The following KCNIP1 variants were observed in gnomAD, a reference collection of about 807,000 sequenced individuals.
KCNIP1 encodes A-type potassium channel modulatory protein KCNIP1.
A neutral mutation model predicts 33.0 loss-of-function variants in KCNIP1; 18 were observed. The ratio of observed to expected loss-of-function variants is 0.55; its 90% confidence interval spans 0.38 to 0.81. The LOEUF is 0.81. Ranked by LOEUF, KCNIP1 falls within the 30% of genes least tolerant of loss-of-function variation. KCNIP1 has a pLI of 0.00. For missense variants in KCNIP1, 238 were observed against 271.6 expected, an observed-to-expected ratio of 0.88 and a Z score of 0.87; for synonymous variants, 93 against 98.3, an observed-to-expected ratio of 0.95 and a Z score of 0.32.
At chr5:170,690,831 T>A (rs908384312) in intron 1 of KCNIP1, among the ~76,000 whole-genome samples, 2 of 152,216 alleles carry the variant, frequency 1.3e-5, no homozygotes, top group African/African-American at 4.8e-5. Flanking sequence ...AACTACACTC[T>A]CCCAATCTCC....
chr5:170,660,017 G>A (rs549138646), intron 1 of KCNIP1, among the ~76,000 whole-genome samples: 1 of 152,126 alleles, frequency 6.6e-6, no homozygotes, highest in Non-Finnish European at 1.5e-5. Context: ...GGCCCACAGA[G>A]GTGGGAGGAG....
intron 1 of KCNIP1, among the ~76,000 whole-genome samples, chr5:170,415,104 T>C (rs1444480201): frequency 6.6e-6 from 1 of 152,218 alleles, no homozygotes; most frequent in African/African-American, 2.4e-5. Context: ...ATATATATTT[T>C]TCTCTCTTTT....
At chr5:170,712,983 C>A (rs1763508675) in intron 1 of KCNIP1, 2 of 963,744 alleles carry the variant, frequency 2.1e-6, no homozygotes, top group South Asian at 1.3e-5. Context: ...TCTTCTCATG[C>A]ACCAGCTTTC....
chr5:170,561,043 G>A, intron 1 of KCNIP1: 1 of 452,916 alleles, frequency 2.2e-6, no homozygotes, highest in South Asian at 1.6e-5. Flanking sequence ...ACGGGCAGGA[G>A]CCCAGCCTCC....
At chr5:170,369,932 T>C (rs571272269) in intron 1 of KCNIP1, among the ~76,000 whole-genome samples, 48 of 152,324 alleles carry the variant, frequency 3.2e-4, no homozygotes, top group African/African-American at 1.1e-3. Flanking sequence ...CCTTCAACCA[T>C]TGGAATGGTT....
intron 1 of KCNIP1, among the ~76,000 whole-genome samples, chr5:170,615,944 C>T (rs1327159895): frequency 2.0e-5 from 3 of 152,096 alleles, no homozygotes; most frequent in Non-Finnish European, 1.5e-5. Flanking sequence ...ATTTTTCCTC[C>T]AGAAAGGCGA....
At chr5:170,583,657 G>A (rs901522182) in intron 1 of KCNIP1, among the ~76,000 whole-genome samples, 1 of 152,168 alleles carries the variant, frequency 6.6e-6, no homozygotes, top group East Asian at 1.9e-4. Flanking sequence ...AGGCTCTTGA[G>A]GCTCAATAAA....
Position 170,720,366 on chromosome 5 carries a change from T to A in KCNIP1, c.232T>A (p.Tyr78Asn). Residue 78 changes from tyrosine (Y) to asparagine (N), a missense_variant, in exon 3 of 8, where the codon TAT becomes AAT. Transcript: ENST00000328939. ...VVNEDTFKQIYAQFFPHGDAS... is the reference protein window; with the variant it reads ...VVNEDTFKQINAQFFPHGDAS... ...CAACGAAGACACATTCAAGCAGATC[T>A]ATGCTCAGTTTTTCCCTCATGGAGG... 1 of 1,614,062 alleles carries A rather than the reference T, an allele frequency of 6.2e-7. No individual in the cohort carries two copies. Among genetic ancestry groups the A allele is most frequent in the Non-Finnish European group, 8.5e-7 (1 of 1,179,928 alleles).
At chr5:170,402,427 G>A (rs57210936) in intron 1 of KCNIP1, among the ~76,000 whole-genome samples, 11,202 of 152,068 alleles carry the variant, frequency 0.074, 439 homozygotes, top group East Asian at 0.14. Context: ...TTTCTAACTC[G>A]TGGGAAGTCC....
At chr5:170,374,300 G>C (rs1763929268) in intron 1 of KCNIP1, among the ~76,000 whole-genome samples, 1 of 152,176 alleles carries the variant, frequency 6.6e-6, no homozygotes, top group Non-Finnish European at 1.5e-5. Context: ...ATTAGTGAGG[G>C]GTAGGGAGGG....
chr5:170,367,421 G>GAAAGGAAGGAAA (rs1554086776), intron 1 of KCNIP1, among the ~76,000 whole-genome samples: 12 of 74,730 alleles, frequency 1.6e-4, no homozygotes, highest in African/African-American at 5.7e-4. Context: ...AAGAAAGAAA[G>GAAAGGAAGGAAA]GAAAGAAAGA....
At chr5:170,394,217 C>T (rs894084124) in intron 1 of KCNIP1, among the ~76,000 whole-genome samples, 2 of 152,252 alleles carry the variant, frequency 1.3e-5, no homozygotes, top group Non-Finnish European at 2.9e-5. Flanking sequence ...CCCTTAGCCA[C>T]TCTCCGCGCC....
intron 1 of KCNIP1, among the ~76,000 whole-genome samples, chr5:170,465,857 T>C (rs111543639): frequency 8.5e-4 from 130 of 152,308 alleles, no homozygotes; most frequent in Non-Finnish European, 8.1e-4. Flanking sequence ...AGATGGTCCA[T>C]TCCTGCAACT....
intron 1 of KCNIP1, chr5:170,385,401 G>A (rs1764426367): frequency 6.2e-7 from 1 of 1,614,092 alleles, no homozygotes; most frequent in African/African-American, 1.3e-5. Flanking sequence ...CAGGCAAAGG[G>A]CTCGTGTCTC....
intron 1 of KCNIP1, among the ~76,000 whole-genome samples, chr5:170,700,393 C>T (rs11958268): frequency 0.16 from 24,387 of 152,004 alleles, 2,338 homozygotes; most frequent in African/African-American, 0.27. Context: ...AGTGAGAAAC[C>T]CATCTCTACA....
intron 4 of KCNIP1, 58 bp from the exon 5 acceptor site, chr5:170,722,655 G>A: frequency 1.7e-6 from 2 of 1,198,996 alleles, no homozygotes; most frequent in Non-Finnish European, 2.5e-6. Flanking sequence ...CAAAGACACA[G>A]CTTCACACTG....
At chr5:170,668,357 G>T (rs531801087) in intron 1 of KCNIP1, among the ~76,000 whole-genome samples, 1 of 152,298 alleles carries the variant, frequency 6.6e-6, no homozygotes, top group East Asian at 1.9e-4. Context: ...TCCCTGCTAG[G>T]ACAAAGGAAT....
chr5:170,499,098 T>C (rs536494292), upstream of KCNIP1, among the ~76,000 whole-genome samples: 13 of 152,308 alleles, frequency 8.5e-5, no homozygotes, highest in East Asian at 1.9e-3. Flanking sequence ...GCCAGACTTA[T>C]GCATGCAGAA....
chr5:170,622,447 C>A (rs1490415727), intron 1 of KCNIP1, among the ~76,000 whole-genome samples: 1 of 151,960 alleles, frequency 6.6e-6, no homozygotes, highest in Non-Finnish European at 1.5e-5. Flanking sequence ...CATGGTGAAA[C>A]CCCGTCTCTA....
Sources: gnomAD v4.1 joint callset for allele counts (sites outside exome capture counted in the v4.1 genomes callset) on GRCh38, gnomAD v4.1.1 for gene constraint, MANE v1.5 for transcripts, NCBI Gene and HGNC (gene_info 2026-07-23, HGNC 2026-07-21) for gene names.